LARS2: variants seen among roughly 807,000 people sequenced by gnomAD.
LARS2 encodes leucine--tRNA ligase, mitochondrial.
A neutral mutation model predicts 116.6 loss-of-function variants in LARS2; 81 were observed. The observed-to-expected ratio is 0.69, with a 90% confidence interval of 0.58 to 0.84. The LOEUF (loss-of-function observed/expected upper bound fraction) is 0.84. LARS2 is among the 40% of genes least tolerant of loss of function. LARS2 has a pLI of 0.00. For synonymous variants in LARS2, 396 were observed against 407.2 expected (o/e 0.97, Z 0.33); for missense variants, 968 against 1,114.5 (o/e 0.87, Z 1.87).
chr3:45,426,082 C>T (rs189704709), intron 6 of LARS2, among the ~76,000 whole-genome samples: 18 of 152,116 alleles, frequency 1.2e-4, no homozygotes, highest in African/African-American at 3.4e-4. Flanking sequence ...AAAGACAGCA[C>T]GATTTGTATG....
chr3:45,408,990 C>T (rs1025362265), intron 4 of LARS2, among the ~76,000 whole-genome samples: 4 of 152,154 alleles, frequency 2.6e-5, no homozygotes, highest in African/African-American at 7.2e-5. Flanking sequence ...TCTTCTGCCA[C>T]CCTCTGTGAT....
chr3:45,449,420 C>G (rs1699077720), intron 7 of LARS2, among the ~76,000 whole-genome samples: 1 of 152,062 alleles, frequency 6.6e-6, no homozygotes, highest in Admixed American at 6.5e-5. Context: ...CCTCAGCCTC[C>G]CAAAGTGCTG....
intron 12 of LARS2, 146 bp from the exon 13 acceptor site, chr3:45,491,371 A>G: frequency 1.3e-6 from 1 of 745,252 alleles, no homozygotes; most frequent in African/African-American, 1.7e-5. Context: ...AGAAGCACCT[A>G]GGGCTCATGA....
In LARS2 at chr3:45,526,458, C is replaced by T. The variant is rs115979387; in HGVS notation, c.2404+2350C>T. On this transcript the variant is annotated intron_variant, in intron 20 of 21. Transcript: ENST00000645846. ...AGATTGAAAAGACCAAGACATGAGC[C>T]GCAACATATCCATGGGTTGCTGCTT... Among the ~76,000 whole-genome samples the T allele has an allele frequency of 2.4e-3, 370 of 152,200 alleles. 3 individuals are homozygous for T. Among genetic ancestry groups the T allele is most frequent in the African/African-American group, 7.8e-3 (323 of 41,528 alleles).
chr3:45,477,569 T>A (rs371946565), intron 10 of LARS2, among the ~76,000 whole-genome samples: 29 of 152,276 alleles, frequency 1.9e-4, no homozygotes, highest in African/African-American at 5.3e-4. Context: ...GGGGGAGCTC[T>A]CCAAAACAAA....
chr3:45,442,945 G>A lies in LARS2; in HGVS notation c.517-3946G>A, dbSNP rs373016101. Among the ~76,000 whole-genome samples, 31 of 152,208 alleles carry A rather than the reference G, an allele frequency of 2.0e-4. No homozygotes were observed. In the South Asian group the frequency reaches 2.9e-3, roughly 14 times the overall value. On this transcript the variant is annotated intron_variant, in intron 6 of 21. Coordinates refer to ENST00000645846, the MANE Select transcript of LARS2 (RefSeq NM_015340.4). ...CGCTATTGATTGACATTTGGGACTG[G>A]GTGATTATTTTGTTCTGGGGACTGT...
rs373476357 is a variant in LARS2, at chr3:45,491,718, C to G, written c.1441C>G (p.Leu481Val). The change falls in exon 13 of 22, where the codon CTG becomes GTG. Residue 481 changes from leucine (L) to valine (V), a missense_variant. Leu to Val is a conservative substitution (Grantham distance 32, BLOSUM62 1). Coordinates refer to ENST00000645846, the MANE Select transcript of LARS2 (RefSeq NM_015340.4). ...GCCCCTGGAGGACTTGCCTGTGACC[C>G]TGCCCAACATCGCGTCTTTCACTGG... ...PVPLEDLPVT[L>V]PNIASFTGKG... 6.2e-7 allele frequency: 1 copy of G among 1,613,828 alleles called. No individual in the cohort carries two copies. Among genetic ancestry groups the G allele is most frequent in the Non-Finnish European group, 8.5e-7 (1 of 1,179,728 alleles).
At chr3:45,441,496 C>T (rs936988626) in intron 6 of LARS2, among the ~76,000 whole-genome samples, 1 of 152,146 alleles carries the variant, frequency 6.6e-6, no homozygotes, top group Non-Finnish European at 1.5e-5. Context: ...AGTGAGGATG[C>T]GAGGACTTGA....
Position 45,429,334 on chromosome 3 carries a change from T to G in LARS2, c.516+9605T>G, listed in dbSNP as rs971560485. On this transcript the variant is annotated intron_variant, in intron 6 of 21. Transcript: ENST00000645846. ...AATCCACTTCTGAGATCATTTAGGTTGTTGGTTGAATTCACTTCCTTGGCA... is the reference window on the plus strand; with the variant it reads ...AATCCACTTCTGAGATCATTTAGGTGGTTGGTTGAATTCACTTCCTTGGCA... Among the ~76,000 whole-genome samples the G allele has an allele frequency of 2.0e-5, 3 of 152,196 alleles. No individual in the cohort carries two copies. The South Asian group carries it at 6.2e-4, about 31-fold the overall frequency.
chr3:45,425,641 C>T (rs1698581417), intron 6 of LARS2, among the ~76,000 whole-genome samples: 1 of 152,168 alleles, frequency 6.6e-6, no homozygotes, highest in South Asian at 2.1e-4. Context: ...TCATGGTGTT[C>T]CCCACCATCA....
chr3:45,520,132 C>CTTTTTTTTTTTTTTTTTTTT, intron 18 of LARS2, 87 bp from the exon 19 acceptor site: 1 of 874,680 alleles, frequency 1.1e-6, no homozygotes, highest in Non-Finnish European at 1.9e-6. Context: ...ATTCATTTTC[C>CTTTTTTTTTTTTTTTTTTTT]TTTTTTTTTG....
Position 45,474,286 on chromosome 3 carries a change from TA to T in LARS2, c.798del (p.Gly267AlafsTer19). 6.2e-7 allele frequency: 1 copy of T among 1,611,990 alleles called. No individual in the cohort carries two copies. Among genetic ancestry groups the T allele is most frequent in the Non-Finnish European group, 8.5e-7 (1 of 1,178,398 alleles). ...ALADLPEWYG[I>X]KGMQAHWIGD... ...GCAGACCTTCCAGAATGGTATGGAA[TA>T]AAAGGCATGCAAGCCCACTGGATTG... On this transcript the variant is annotated frameshift_variant, in exon 9 of 22. Coordinates refer to ENST00000645846, the MANE Select transcript of LARS2 (RefSeq NM_015340.4). LOFTEE classifies it high-confidence loss of function.
At chr3:45,405,346 A>G (rs1027203032) in intron 4 of LARS2, among the ~76,000 whole-genome samples, 5 of 152,242 alleles carry the variant, frequency 3.3e-5, no homozygotes, top group Non-Finnish European at 2.9e-5. Context: ...CTAACAGCCT[A>G]TAAGATAACA....
chr3:45,535,958 T>G (rs1700699173), intron 20 of LARS2, among the ~76,000 whole-genome samples: 1 of 152,162 alleles, frequency 6.6e-6, no homozygotes, highest in South Asian at 2.1e-4. Context: ...CTTTGTAACT[T>G]CCTGTGAATC....
chr3:45,518,081 C>A lies in LARS2; in HGVS notation c.2214+9C>A, dbSNP rs1356303953. On this transcript the variant is annotated intron_variant, in intron 18 of 21. Coordinates refer to ENST00000645846, the MANE Select transcript of LARS2 (RefSeq NM_015340.4). ...ACTCCGTCATCTCTCAGGTCAGAAA[C>A]TCTCCAATTCCAGGGGTTAACTCTG... 6.2e-7 allele frequency: 1 copy of A among 1,605,672 alleles called. No individual in the cohort carries two copies. Among genetic ancestry groups the A allele is most frequent in the East Asian group, 2.2e-5 (1 of 44,782 alleles).
At chr3:45,424,046 A>G (rs1372643981) in intron 6 of LARS2, among the ~76,000 whole-genome samples, 2 of 152,202 alleles carry the variant, frequency 1.3e-5, no homozygotes, top group Non-Finnish European at 2.9e-5. Flanking sequence ...ATAATGTAAT[A>G]TAATATCAAA....
At chr3:45,493,300 C>T (rs112117633) in intron 13 of LARS2, among the ~76,000 whole-genome samples, 2 of 152,146 alleles carry the variant, frequency 1.3e-5, no homozygotes, top group Non-Finnish European at 2.9e-5. Context: ...GGGGTTTCAC[C>T]GTGTTAGCCA....
At chr3:45,477,982 G>T (rs1453557264) in intron 10 of LARS2, among the ~76,000 whole-genome samples, 1 of 152,144 alleles carries the variant, frequency 6.6e-6, no homozygotes, top group Admixed American at 6.5e-5. Flanking sequence ...GGGCATAGAT[G>T]AGCCATTCCA....
chr3:45,519,818 T>G (rs2125755904), intron 18 of LARS2: 1 of 167,430 alleles, frequency 6.0e-6, no homozygotes, highest in East Asian at 1.8e-4. Flanking sequence ...CGGCTAATTT[T>G]TTGTATTTTT....
Sources: gnomAD v4.1 joint callset for allele counts (sites outside exome capture counted in the v4.1 genomes callset) on GRCh38, gnomAD v4.1.1 for gene constraint, MANE v1.5 for transcripts, NCBI Gene and HGNC (gene_info 2026-07-23, HGNC 2026-07-21) for gene names.